The following APAF1 variants were observed in gnomAD, a reference collection of about 807,000 sequenced individuals.
APAF1 encodes apoptotic protease-activating factor 1.
Under a neutral mutation model 152.4 loss-of-function variants are expected in APAF1, and 91 were observed. The observed-to-expected ratio is 0.60, with a 90% CI of 0.50 to 0.71. The LOEUF is 0.71. Ranked by LOEUF, APAF1 falls within the 30% of genes least tolerant of loss-of-function variation. The pLI is 0.00. For synonymous variants in APAF1, 484 were observed against 494.1 expected, an observed-to-expected ratio of 0.98 and a Z score of 0.27; for missense variants, 1,283 against 1,472.0, an observed-to-expected ratio of 0.87 and a Z score of 2.10.
At chr12:98,661,441 C>A (rs1396538446) in intron 5 of APAF1, among the ~76,000 whole-genome samples, 4 of 151,974 alleles carry the variant, frequency 2.6e-5, no homozygotes, top group African/African-American at 9.7e-5. Context: ...AATTTTTCAA[C>A]CTATGTATGT....
chr12:98,660,591 T>C (rs1342583785), intron 5 of APAF1, among the ~76,000 whole-genome samples: 1 of 152,236 alleles, frequency 6.6e-6, no homozygotes, highest in Non-Finnish European at 1.5e-5. Flanking sequence ...GCTGCTTGTC[T>C]TAAGAGTATA....
chr12:98,724,191 C>T (rs2097747058), intron 24 of APAF1, among the ~76,000 whole-genome samples: 1 of 152,100 alleles, frequency 6.6e-6, no homozygotes. Flanking sequence ...CTCCTTCTAC[C>T]AGTCTTTCCA....
chr12:98,708,560 G>A, intron 19 of APAF1, 25 bp from the exon 20 acceptor site: 1 of 1,608,908 alleles, frequency 6.2e-7, no homozygotes, highest in African/African-American at 1.3e-5. Context: ...GAGATGGAAT[G>A]ATAATTTCTT....
chr12:98,723,369 T>C, intron 23 of APAF1, 57 bp downstream of exon 23: 1 of 1,561,320 alleles, frequency 6.4e-7, no homozygotes, highest in South Asian at 1.1e-5. Context: ...GCAATGATTA[T>C]ATTGAGACAG....
intron 13 of APAF1, among the ~76,000 whole-genome samples, chr12:98,678,281 A>G (rs2097688615): frequency 6.6e-6 from 1 of 152,254 alleles, no homozygotes; most frequent in South Asian, 2.1e-4. Context: ...GTGCTCTGAC[A>G]CTTCTTTTTG....
In APAF1 at chr12:98,683,126, TTC is replaced by T. The variant is rs748132790; in HGVS notation, c.2047-13_2047-12del. On this transcript the variant is annotated splice_polypyrimidine_tract_variant and intron_variant, in intron 14 of 26. Transcript: ENST00000551964. Reference sequence around the variant, plus strand: ...AAAATAATGGATATTTGTAAATTTTTTCTCTTTTCTCTTTAGATTTGGAATTC... The same window carrying T: ...AAAATAATGGATATTTGTAAATTTTTTCTTTTCTCTTTAGATTTGGAATTC... 2 of 1,605,856 alleles carry T rather than the reference TTC, an allele frequency of 1.2e-6. No individual in the cohort carries two copies. Among genetic ancestry groups the T allele is most frequent in the Non-Finnish European group, 1.7e-6 (2 of 1,173,980 alleles).
intron 18 of APAF1, 106 bp downstream of exon 18, chr12:98,703,605 A>G: frequency 7.1e-7 from 1 of 1,403,324 alleles, no homozygotes; most frequent in Non-Finnish European, 1.0e-6. Context: ...TGCTTGAGAA[A>G]TTATAGAGTA....
At chr12:98,696,903 C>T (rs1217128227) in intron 16 of APAF1, among the ~76,000 whole-genome samples, 1 of 152,182 alleles carries the variant, frequency 6.6e-6, no homozygotes, top group Non-Finnish European at 1.5e-5. Context: ...AAAAAGTATA[C>T]TTCCTGGCTG....
At chr12:98,677,033 A>G (rs1003439257) in intron 12 of APAF1, among the ~76,000 whole-genome samples, 2 of 152,218 alleles carry the variant, frequency 1.3e-5, no homozygotes, top group Admixed American at 1.3e-4. Context: ...TTTATTTTAA[A>G]AAAGAGATGG....
At chr12:98,725,377 G>T (rs1374383334) in intron 24 of APAF1, 38 bp from the exon 25 acceptor site, 1 of 1,613,298 alleles carries the variant, frequency 6.2e-7, no homozygotes, top group Non-Finnish European at 8.5e-7. Context: ...TATTTTGAGT[G>T]TTTATAGCAT....
chr12:98,722,554 C>G (rs2097744470), intron 22 of APAF1, among the ~76,000 whole-genome samples: 1 of 152,202 alleles, frequency 6.6e-6, no homozygotes, highest in South Asian at 2.1e-4. Flanking sequence ...CTCTGTGTCT[C>G]AGATACGTTT....
intron 7 of APAF1, 97 bp downstream of exon 7, chr12:98,662,903 C>A: frequency 8.5e-7 from 1 of 1,175,208 alleles, no homozygotes; most frequent in Admixed American, 2.3e-5. Context: ...AGCACATGAA[C>A]ATCCAAAAAC....
intron 13 of APAF1, among the ~76,000 whole-genome samples, chr12:98,679,784 C>T (rs1197920414): frequency 6.6e-6 from 1 of 152,254 alleles, no homozygotes; most frequent in Non-Finnish European, 1.5e-5. Context: ...AGCCAGAGCC[C>T]ATGCTGGCAC....
intron 22 of APAF1, among the ~76,000 whole-genome samples, chr12:98,717,383 G>GTT (rs1192420095): frequency 7.5e-5 from 11 of 146,402 alleles, no homozygotes; most frequent in African/African-American, 2.5e-4. Flanking sequence ...ATTTTTTTTT[G>GTT]TTTTTTTTTG....
At chr12:98,716,324 G>A (rs935434965) in intron 22 of APAF1, among the ~76,000 whole-genome samples, 1 of 152,198 alleles carries the variant, frequency 6.6e-6, no homozygotes, top group Non-Finnish European at 1.5e-5. Flanking sequence ...CACGTTCACA[G>A]ACACTCATTT....
chr12:98,665,483 A>T, intron 7 of APAF1, 70 bp from the exon 8 acceptor site: 1 of 1,029,710 alleles, frequency 9.7e-7, no homozygotes, highest in Non-Finnish European at 1.5e-6. Context: ...TAATGTAAGT[A>T]AGTAAGTCGA....
intron 10 of APAF1, among the ~76,000 whole-genome samples, chr12:98,670,239 C>T (rs1188553900): frequency 1.3e-5 from 2 of 152,178 alleles, no homozygotes; most frequent in Non-Finnish European, 2.9e-5. Flanking sequence ...CCACTGTGCT[C>T]AGCCCCAGCT....
chr12:98,680,317 A>G lies in APAF1; in HGVS notation c.1961A>G (p.Lys654Arg). The G allele has an allele frequency of 6.2e-7, 1 of 1,613,002 alleles. No individual in the cohort carries two copies. The highest frequency in any genetic ancestry group is 8.5e-7 in the Non-Finnish European group (1 of 1,179,494). Residue 654 changes from lysine (K) to arginine (R), a missense_variant, in exon 14 of 27, where the codon AAG (lysine) becomes AGG (arginine). Transcript: ENST00000551964. The part of the protein sequence containing the change: ...AETGEKLLEI[K>R]AHEDEVLCCA... The stretch of plus-strand genomic sequence containing the variant: ...ACAGGAGAGAAACTTCTAGAAATCA[A>G]GGCTCATGAGGATGAAGTGCTTTGT...
chr12:98,652,027 T>C (rs771589815), intron 4 of APAF1, among the ~76,000 whole-genome samples: 1 of 152,066 alleles, frequency 6.6e-6, no homozygotes, highest in Non-Finnish European at 1.5e-5. Flanking sequence ...GTTACCGAGG[T>C]TGGTCTCGAA....
Sources: allele counts gnomAD v4.1 joint callset (sites outside exome capture counted in the v4.1 genomes callset), GRCh38; gene constraint gnomAD v4.1.1; transcripts MANE v1.5; gene names NCBI Gene and HGNC (gene_info 2026-07-23, HGNC 2026-07-21).